BANP: variants seen among roughly 807,000 people sequenced by gnomAD.
BANP encodes BTG3 associated nuclear protein.
In BANP, 11 loss-of-function variants were observed where a neutral mutation model predicts 68.1. The observed-to-expected ratio is 0.16, with a 90% CI of 0.10 to 0.27. The LOEUF (loss-of-function observed/expected upper bound fraction) is 0.27, where lower values mean the gene tolerates loss of function less well. Ranked by LOEUF, BANP falls within the 10% of genes least tolerant of loss-of-function variation. The pLI, the probability that BANP is intolerant of heterozygous loss-of-function variation, is 1.00. For missense variants in BANP, 504 were observed against 722.7 expected (o/e 0.70, Z 3.47); for synonymous variants, 329 against 303.2 (o/e 1.09, Z -0.88).
intron 3 of BANP, 105 bp downstream of exon 3, chr16:87,981,232 C>T: frequency 1.2e-6 from 1 of 836,686 alleles, no homozygotes; most frequent in East Asian, 2.6e-5. Context: ...AGCCTCTCAG[C>T]TGTGGAGGCC....
chr16:88,061,349 T>G (rs116014144), intron 11 of BANP, among the ~76,000 whole-genome samples: 2,182 of 152,354 alleles, frequency 0.014, 59 homozygotes, highest in African/African-American at 0.051. Context: ...TTGGATCAGT[T>G]GACTTAAACC....
rs1288433859 is a variant in BANP at position 88,071,159 on chromosome 16, G to A, written c.1378-910G>A. On this transcript the variant is annotated intron_variant, in intron 12 of 13. Coordinates refer to ENST00000682872, the MANE Select transcript of BANP (RefSeq NM_001386991.1). The surrounding 1 kb of genome is among the most constrained non-coding windows in gnomAD (Gnocchi z 6.5). ...GGCTGCTCCTCTTCCCAGGGCCACC[G>A]GTGAGACTCTCAGTGCACAGAGTGC... is the stretch of plus-strand genomic sequence containing the variant. 15 of 294,848 alleles carry A rather than the reference G, an allele frequency of 5.1e-5. No homozygotes were observed. Among genetic ancestry groups the A allele is most frequent in the South Asian group, 3.3e-4 (11 of 33,674 alleles). 18.3% of individuals were successfully genotyped at this position (294,848 alleles called of 1,614,324 possible).
At chr16:88,056,476 T>TA (rs1555625709) in intron 11 of BANP, among the ~76,000 whole-genome samples, 3 of 147,948 alleles carry the variant, frequency 2.0e-5, no homozygotes, top group East Asian at 3.9e-4. Context: ...TTTTTTTTTT[T>TA]AGAGAGAGAA....
rs2079431669 is a variant in BANP, at chr16:88,036,632, G to T, written c.1272+1238G>T. Reference sequence around the variant, plus strand: ...AGGGTTCTGAGGGCGGAATGAGGATGAGGTGAAAGGGGAGGAACGAATTCA... The same window carrying T: ...AGGGTTCTGAGGGCGGAATGAGGATTAGGTGAAAGGGGAGGAACGAATTCA... On this transcript the variant is annotated intron_variant, in intron 10 of 13. Transcript: ENST00000682872. The surrounding 1 kb of genome is among the most constrained non-coding windows in gnomAD (Gnocchi z 4.2). Among the ~76,000 whole-genome samples the T allele has an allele frequency of 6.6e-6, 1 of 152,174 alleles. No individual in the cohort carries two copies. The highest frequency in any genetic ancestry group is 2.4e-5 in the African/African-American group (1 of 41,436).
chr16:87,977,911 C>T (rs1327522553), intron 2 of BANP, among the ~76,000 whole-genome samples: 1 of 152,230 alleles, frequency 6.6e-6, no homozygotes, highest in East Asian at 1.9e-4. Context: ...TCTCAGCTCA[C>T]TGCAACCTTT....
intron 12 of BANP, among the ~76,000 whole-genome samples, chr16:88,070,919 T>A (rs561630319): frequency 1.1e-4 from 17 of 152,264 alleles, no homozygotes; most frequent in Non-Finnish European, 2.2e-4. Flanking sequence ...GCATTGCAGG[T>A]GAACTTTGCT....
intron 11 of BANP, among the ~76,000 whole-genome samples, chr16:88,045,707 G>C (rs994782239): frequency 2.7e-5 from 4 of 150,122 alleles, no homozygotes; most frequent in Non-Finnish European, 4.4e-5. Flanking sequence ...TTCTCCCTGA[G>C]GCCACCTCCT....
upstream of BANP, among the ~76,000 whole-genome samples, chr16:87,950,180 A>G (rs1282576444): frequency 6.6e-6 from 1 of 152,092 alleles, no homozygotes; most frequent in Non-Finnish European, 1.5e-5. Flanking sequence ...CCCGGCCAGC[A>G]TTTTCTTTTT....
At chr16:88,059,871 G>A (rs1400794695) in intron 11 of BANP, among the ~76,000 whole-genome samples, 1 of 152,204 alleles carries the variant, frequency 6.6e-6, no homozygotes, top group African/African-American at 2.4e-5. Flanking sequence ...CTTGAGACCC[G>A]GCATTGGGAT....
chr16:88,005,841 A>C (rs11641548), intron 5 of BANP, among the ~76,000 whole-genome samples: 49,298 of 152,122 alleles, frequency 0.32, 8,828 homozygotes, highest in Non-Finnish European at 0.41. Flanking sequence ...AGTGAGTATG[A>C]TTTTACTCCT....
At chr16:88,056,267 C>G (rs570684820) in intron 11 of BANP, among the ~76,000 whole-genome samples, 5 of 152,330 alleles carry the variant, frequency 3.3e-5, no homozygotes, top group African/African-American at 1.2e-4. Context: ...TTTTGGCAAG[C>G]AGCAAGGAAG....
intron 1 of BANP, among the ~76,000 whole-genome samples, chr16:87,967,596 C>A (rs2060272378): frequency 6.6e-6 from 1 of 150,542 alleles, no homozygotes; most frequent in South Asian, 2.1e-4. Context: ...GCTGGGATTA[C>A]AGGCATGCCC....
intron 1 of BANP, among the ~76,000 whole-genome samples, chr16:87,960,867 A>G (rs1186817647): frequency 1.3e-5 from 2 of 152,232 alleles, no homozygotes; most frequent in African/African-American, 4.8e-5. Flanking sequence ...GAAGTCAGCT[A>G]ACAGTGTTTG....
At chr16:87,970,846 C>T (rs558273022) in intron 1 of BANP, among the ~76,000 whole-genome samples, 110 of 152,040 alleles carry the variant, frequency 7.2e-4, no homozygotes, top group Non-Finnish European at 1.9e-4. Flanking sequence ...AGGGAAACCC[C>T]GTCTCTACTA....
At position 88,072,252 on chromosome 16, in the gene BANP, C is replaced by T. The variant is rs1346957046; in HGVS notation, c.1521+40C>T. 5 of 1,568,168 alleles carry T rather than the reference C, an allele frequency of 3.2e-6. No individual in the cohort carries two copies. In the African/African-American group the frequency reaches 6.8e-5, roughly 21 times the overall value. On this transcript the variant is annotated intron_variant, in intron 13 of 13. Coordinates refer to ENST00000682872, the MANE Select transcript of BANP (RefSeq NM_001386991.1). ...CCGCGCCGGGACACTGAAGTGATGG[C>T]ATGGCCGCCTGCCGCTGCCACCGGG...
At position 88,071,374 on chromosome 16, in the gene BANP, G is replaced by C. The variant is rs1013294766; in HGVS notation, c.1378-695G>C. The stretch of plus-strand genomic sequence containing the variant: ...GCCCAGTGGATTGAGTGGGAAGTGG[G>C]CCTGGGTGCTTACAGGCGATGGGGT... On this transcript the variant is annotated intron_variant, in intron 12 of 13. Transcript: ENST00000682872. This position sits in a 1 kb window ranked among gnomAD's most constrained non-coding sequence, Gnocchi z 6.5. 2 of 414,758 alleles carry C rather than the reference G, an allele frequency of 4.8e-6. No homozygotes were observed. The highest frequency in any genetic ancestry group is 1.4e-4 in the East Asian group (2 of 14,020). 25.7% of individuals were successfully genotyped at this position (414,758 alleles called of 1,614,324 possible). A position where few individuals can be genotyped will look rare whatever the true frequency, so the allele number is the denominator to read the frequency against.
At chr16:88,022,769 C>G (rs570726027) in intron 7 of BANP, among the ~76,000 whole-genome samples, 1 of 152,274 alleles carries the variant, frequency 6.6e-6, no homozygotes, top group African/African-American at 2.4e-5. Context: ...TGGTGGTGGC[C>G]GCATCCCTCC....
intron 8 of BANP, among the ~76,000 whole-genome samples, chr16:88,028,239 C>T (rs551497458): frequency 1.4e-4 from 22 of 152,346 alleles, no homozygotes; most frequent in Admixed American, 5.9e-4. Context: ...TAAAGCTCCC[C>T]ACAGTAGCTG....
chr16:88,068,867 G>A (rs2089523961), intron 12 of BANP, among the ~76,000 whole-genome samples: 1 of 141,062 alleles, frequency 7.1e-6, no homozygotes, highest in African/African-American at 2.7e-5. Flanking sequence ...TCTCTGCAGG[G>A]GCTCCACCTC....
Sources: gnomAD v4.1 joint callset for allele counts (sites outside exome capture counted in the v4.1 genomes callset) on GRCh38, gnomAD v4.1.1 for gene constraint, Gnocchi (gnomAD v3.1) non-coding constraint, MANE v1.5 for transcripts, NCBI Gene and HGNC (gene_info 2026-07-23, HGNC 2026-07-21) for gene names.